Variants in MRPS6 observed in about 807,000 individuals in gnomAD.
The protein encoded by MRPS6 is mitochondrial ribosomal protein S6.
Under a neutral mutation model 13.1 loss-of-function variants are expected in MRPS6, and 6 were observed. The ratio of observed to expected loss-of-function variants is 0.46; its 90% CI spans 0.25 to 0.91. The LOEUF (loss-of-function observed/expected upper bound fraction) is 0.91, where lower values mean the gene tolerates loss of function less well. MRPS6 is among the 40% of genes least tolerant of loss of function. MRPS6 has a pLI of 0.18. For synonymous variants in MRPS6, 61 were observed against 56.5 expected (o/e 1.08, Z -0.36); for missense variants, 164 against 155.6 (o/e 1.05, Z -0.29).
chr21:34,118,383 A>G (rs1018990693), intron 1 of MRPS6, among the ~76,000 whole-genome samples: 1 of 152,054 alleles, frequency 6.6e-6, no homozygotes, highest in African/African-American at 2.4e-5. Flanking sequence ...AAATTTTTCC[A>G]ATATATTTAT....
intron 1 of MRPS6, chr21:34,102,262 A>C: frequency 1.0e-6 from 1 of 999,910 alleles, no homozygotes; most frequent in Non-Finnish European, 1.2e-6. Context: ...ACCATTATTC[A>C]CTTAGTAGTC....
At chr21:34,108,748 G>A (rs1979582981) in intron 1 of MRPS6, among the ~76,000 whole-genome samples, 1 of 152,138 alleles carries the variant, frequency 6.6e-6, no homozygotes, top group South Asian at 2.1e-4. Flanking sequence ...AGAATTCTGG[G>A]TTAGAAAGCA....
rs534919149 is a variant in MRPS6 at position 34,078,839 on chromosome 21, C to T, written c.45+5094C>T. 7.8e-4 allele frequency among the ~76,000 whole-genome samples: 119 copies of T among 152,258 alleles called. 1 individual carries two copies. In the South Asian group the frequency reaches 0.024, roughly 31 times the overall value. ...GTTGCAATTTGATTATCAGACTTTTCCTATTTAATGTTCTTAGCTTTGTGT... is the reference window on the plus strand; with the variant it reads ...GTTGCAATTTGATTATCAGACTTTTTCTATTTAATGTTCTTAGCTTTGTGT... On this transcript the variant is annotated intron_variant, in intron 1 of 2. Coordinates refer to ENST00000399312, the MANE Select transcript of MRPS6 (RefSeq NM_032476.4).
At chr21:34,136,953 C>T (rs567394751) in intron 2 of MRPS6, among the ~76,000 whole-genome samples, 16 of 152,170 alleles carry the variant, frequency 1.1e-4, no homozygotes, top group Non-Finnish European at 2.1e-4. Context: ...GGTTTTTTTG[C>T]GTGTGGATAC....
chr21:34,140,104 T>C (rs1224195674), intron 2 of MRPS6, among the ~76,000 whole-genome samples: 1 of 152,166 alleles, frequency 6.6e-6, no homozygotes, highest in Non-Finnish European at 1.5e-5. Flanking sequence ...TGATGTTCTC[T>C]GTTTTTCTTT....
rs369058612 is a variant in MRPS6, at chr21:34,074,424, T to C, written c.45+679T>C. 6.6e-5 allele frequency among the ~76,000 whole-genome samples: 10 copies of C among 152,364 alleles called. No individual in the cohort carries two copies. In the East Asian group the frequency reaches 1.7e-3, roughly 26 times the overall value. ...GTTTCATTCATCCAAGTTGTGGCCTTTCTTGCGCCTCCAGAAGACACTTTC... is the reference window on the plus strand; with the variant it reads ...GTTTCATTCATCCAAGTTGTGGCCTCTCTTGCGCCTCCAGAAGACACTTTC... On this transcript the variant is annotated intron_variant, in intron 1 of 2. Coordinates refer to ENST00000399312, the MANE Select transcript of MRPS6 (RefSeq NM_032476.4).
intron 1 of MRPS6, among the ~76,000 whole-genome samples, chr21:34,082,446 A>C (rs140463067): frequency 2.0e-5 from 3 of 152,290 alleles, no homozygotes; most frequent in African/African-American, 7.2e-5. Context: ...GGCATGTATT[A>C]GTACTATTTG....
In MRPS6 at chr21:34,109,529, C is replaced by T. The variant is rs1450517894; in HGVS notation, c.46-15812C>T. ...CCTTAATCTCTTTGGTACAGTACTA[C>T]CATTTAGAGCTGTGCCTGTGCCCTC... On this transcript the variant is annotated intron_variant, in intron 1 of 2. Coordinates refer to ENST00000399312, the MANE Select transcript of MRPS6 (RefSeq NM_032476.4). Among the ~76,000 whole-genome samples, 3 of 152,296 alleles carry T rather than the reference C, an allele frequency of 2.0e-5. No homozygotes were observed. In the East Asian group the frequency reaches 5.8e-4, roughly 29 times the overall value.
At chr21:34,102,585 G>A in intron 1 of MRPS6, 1 of 1,000,064 alleles carries the variant, frequency 1.0e-6, no homozygotes, top group Non-Finnish European at 1.2e-6. Context: ...CATAGTCTGA[G>A]GCTATTGACT....
In MRPS6 at chr21:34,142,772, A is replaced by G. The variant is rs1980949795; in HGVS notation, c.*172A>G. 3.1e-6 allele frequency: 2 copies of G among 637,360 alleles called. No individual in the cohort carries two copies. The highest frequency in any genetic ancestry group is 1.9e-5 in the African/African-American group (1 of 53,226). The allele number at this position is 637,360 out of a possible 1,614,324, so 39.5% of individuals were successfully genotyped here. ...CCCCTTTGCTTGCGAGAGGTGGGGA[A>G]CTGCTCACTGACAGCTTCTCTGTAA... On this transcript the variant is annotated 3_prime_UTR_variant, in exon 3 of 3. Coordinates refer to ENST00000399312, the MANE Select transcript of MRPS6 (RefSeq NM_032476.4).
chr21:34,099,018 A>C (rs1310590426), intron 1 of MRPS6: 1 of 990,828 alleles, frequency 1.0e-6, no homozygotes, highest in East Asian at 1.1e-4. Context: ...TGTAGTCTAT[A>C]AACTAGTTTC....
chr21:34,098,447 G>C (rs1979072807), intron 1 of MRPS6: 1 of 999,690 alleles, frequency 1.0e-6, no homozygotes, highest in African/African-American at 1.8e-5. Flanking sequence ...TTGCATCCTT[G>C]ATAAGTTTTT....
At chr21:34,092,107 C>A (rs976576644) in intron 1 of MRPS6, among the ~76,000 whole-genome samples, 4 of 133,834 alleles carry the variant, frequency 3.0e-5, no homozygotes, top group African/African-American at 7.8e-5. Context: ...ATGTTAACTT[C>A]TTTAAAAGGA....
chr21:34,096,470 A>G lies in MRPS6; in HGVS notation c.45+22725A>G, dbSNP rs1334515614. 1.2e-6 allele frequency: 2 copies of G among 1,614,180 alleles called. No individual in the cohort carries two copies. The highest frequency in any genetic ancestry group is 1.7e-5 in the Admixed American group (1 of 60,018). ...CATTTATGGTGGTGATCAGCATAGCATGGGTGCCAATCATCGTGGAGATGC... is the reference window on the plus strand; with the variant it reads ...CATTTATGGTGGTGATCAGCATAGCGTGGGTGCCAATCATCGTGGAGATGC... On this transcript the variant is annotated intron_variant, in intron 1 of 2. Coordinates refer to ENST00000399312, the MANE Select transcript of MRPS6 (RefSeq NM_032476.4). This position sits in a 1 kb window ranked among gnomAD's most constrained non-coding sequence, Gnocchi z 5.9.
chr21:34,120,272 A>G (rs564209192), intron 1 of MRPS6, among the ~76,000 whole-genome samples: 4 of 152,190 alleles, frequency 2.6e-5, no homozygotes, highest in Admixed American at 6.6e-5. Flanking sequence ...TATTAATCCA[A>G]CAGCCATCCT....
chr21:34,100,568 GC>G (rs1203642495), intron 1 of MRPS6: 2 of 1,000,112 alleles, frequency 2.0e-6, no homozygotes, highest in African/African-American at 3.5e-5. Context: ...GGCACAAAGA[GC>G]CTGGCCAGGG....
At chr21:34,100,800 C>G in intron 1 of MRPS6, 1 of 1,000,248 alleles carries the variant, frequency 1.0e-6, no homozygotes, top group Non-Finnish European at 1.2e-6. Context: ...ATCTTCCCCT[C>G]TGACTTTGAA....
intron 1 of MRPS6, among the ~76,000 whole-genome samples, chr21:34,108,358 C>T (rs1170371961): frequency 6.6e-6 from 1 of 152,144 alleles, no homozygotes; most frequent in Non-Finnish European, 1.5e-5. Context: ...TTACAGTATT[C>T]CCTGCAGTAA....
intron 1 of MRPS6, chr21:34,100,096 C>T (rs1979166142): frequency 1.0e-6 from 1 of 998,808 alleles, no homozygotes; most frequent in African/African-American, 1.7e-5. Flanking sequence ...TATATTAGCT[C>T]AAGCTAAGGT....
Sources: gnomAD v4.1 joint callset for allele counts (sites outside exome capture counted in the v4.1 genomes callset) on GRCh38, gnomAD v4.1.1 for gene constraint, Gnocchi (gnomAD v3.1) non-coding constraint, MANE v1.5 for transcripts, NCBI Gene and HGNC (gene_info 2026-07-23, HGNC 2026-07-21) for gene names.